DAAM2: variants seen among roughly 807,000 people sequenced by gnomAD.
DAAM2 encodes the protein disheveled-associated activator of morphogenesis 2.
Under a neutral mutation model 120.7 loss-of-function variants are expected in DAAM2, and 39 were observed. The observed-to-expected ratio is 0.32, with a 90% CI of 0.25 to 0.42. DAAM2 has a LOEUF of 0.42. DAAM2 is among the 10% of genes least tolerant of loss of function. The probability of loss-of-function intolerance (pLI) is 1.00; values close to 1 mark genes in which losing one functional copy is unlikely to be tolerated. For synonymous variants in DAAM2, 488 were observed against 524.9 expected (o/e 0.93, Z 0.96); for missense variants, 1,283 against 1,401.7 (o/e 0.92, Z 1.35).
intron 1 of DAAM2, among the ~76,000 whole-genome samples, chr6:39,849,515 T>A (rs1466090112): frequency 6.6e-6 from 1 of 152,204 alleles, no homozygotes; most frequent in Non-Finnish European, 1.5e-5. Context: ...ATGAATTATG[T>A]ACTATTATAT....
At chr6:39,810,385 A>G (rs1762126970) in intron 1 of DAAM2, among the ~76,000 whole-genome samples, 1 of 152,244 alleles carries the variant, frequency 6.6e-6, no homozygotes, top group Admixed American at 6.5e-5. Context: ...AACCTATGTA[A>G]TCAATAGAAA....
rs1766529427 is a variant in DAAM2 at position 39,902,097 on chromosome 6, TGGA to T, written c.*66_*68del. 1 of 1,405,716 alleles carries T rather than the reference TGGA, an allele frequency of 7.1e-7. No individual in the cohort carries two copies. The highest frequency in any genetic ancestry group is 2.3e-5 in the East Asian group (1 of 42,580). The allele number at this position is 1,405,716 out of a possible 1,614,324, so 87.1% of individuals were successfully genotyped here. On this transcript the variant is annotated 3_prime_UTR_variant, in exon 25 of 25. Transcript: ENST00000274867. ...AGGGACTGGTGAGAATGGGGCTGAG[TGGA>T]GGAGGTGGTGATATTTAAACCATTT...
rs188785069 is a variant in DAAM2, at chr6:39,802,166, G to A, written c.-57+9701G>A. On this transcript the variant is annotated intron_variant, in intron 1 of 24. Coordinates refer to ENST00000274867, the MANE Select transcript of DAAM2 (RefSeq NM_001201427.2). ...ACAAAGTCAATAAGTTACCATCCTCGCTGCCCTGAACAGAGGTAATGTTAT... is the reference window on the plus strand; with the variant it reads ...ACAAAGTCAATAAGTTACCATCCTCACTGCCCTGAACAGAGGTAATGTTAT... Among the ~76,000 whole-genome samples the A allele has an allele frequency of 2.2e-3, 341 of 152,266 alleles. 3 individuals are homozygous for A. Among genetic ancestry groups the A allele is most frequent in the African/African-American group, 7.6e-3 (316 of 41,546 alleles).
rs756636429 is a variant in DAAM2, at chr6:39,884,022, G to T, written c.1906G>T (p.Asp636Tyr). ...IDDMQVFRIL[D>Y]LEDFEKMFSA... Reference sequence around the variant, plus strand: ...TGACATGCAGGTATTTCGGATCCTGGACCTAGAGGATTTTGAAAAGATGTT... The same window carrying T: ...TGACATGCAGGTATTTCGGATCCTGTACCTAGAGGATTTTGAAAAGATGTT... Residue 636 changes from aspartate (D) to tyrosine (Y), a missense_variant, in exon 15 of 25, where the codon GAC becomes TAC. Coordinates refer to ENST00000274867, the MANE Select transcript of DAAM2 (RefSeq NM_001201427.2). 2.1e-5 allele frequency: 34 copies of T among 1,613,238 alleles called. No homozygotes were observed. Among genetic ancestry groups the T allele is most frequent in the Non-Finnish European group, 2.8e-5 (33 of 1,179,516 alleles).
chr6:39,810,708 A>C (rs551722684), intron 1 of DAAM2, among the ~76,000 whole-genome samples: 28 of 152,266 alleles, frequency 1.8e-4, no homozygotes, highest in Admixed American at 1.6e-3. Context: ...TCCTCACAGC[A>C]TGAGGCTGAA....
At chr6:39,818,086 G>A (rs1762360800) in intron 1 of DAAM2, among the ~76,000 whole-genome samples, 1 of 151,316 alleles carries the variant, frequency 6.6e-6, no homozygotes, top group South Asian at 2.1e-4. Flanking sequence ...GGCTGAGGCA[G>A]GAGAATCGCT....
At chr6:39,803,380 C>T (rs1761923519) in intron 1 of DAAM2, among the ~76,000 whole-genome samples, 2 of 152,220 alleles carry the variant, frequency 1.3e-5, no homozygotes, top group East Asian at 3.8e-4. Context: ...TTCACAGCTC[C>T]CAGGCTCTTT....
At chr6:39,817,171 A>G (rs1481556996) in intron 1 of DAAM2, among the ~76,000 whole-genome samples, 1 of 152,174 alleles carries the variant, frequency 6.6e-6, no homozygotes, top group African/African-American at 2.4e-5. Context: ...CAGGGAAACT[A>G]TGCAGCTGGA....
chr6:39,868,602 A>T, intron 6 of DAAM2: 1 of 555,446 alleles, frequency 1.8e-6, no homozygotes. Context: ...GGCTGAGTGG[A>T]GAGGAAGTGA....
chr6:39,902,007 G>A lies in DAAM2; in HGVS notation c.3177G>A (p.Arg1059=). The A allele has an allele frequency of 3.1e-6, 5 of 1,610,626 alleles. No individual in the cohort carries two copies. Among genetic ancestry groups the A allele is most frequent in the African/African-American group, 2.7e-5 (2 of 74,972 alleles). Residue 1059 remains arginine, a synonymous_variant, in exon 25 of 25, where the codon CGG becomes CGA. Transcript: ENST00000274867. ...GGAGCCAGGCCCTGGAAGTTACCCG[G>A]GAGCGGGCAATAAACCGGCTAAATT... ...RSGSQALEVT[R]ERAINRLNY
intron 1 of DAAM2, among the ~76,000 whole-genome samples, chr6:39,839,288 G>C (rs1763232451): frequency 6.6e-6 from 1 of 152,098 alleles, no homozygotes; most frequent in Non-Finnish European, 1.5e-5. Context: ...AAATCTCCTG[G>C]GGAACTTGTT....
chr6:39,878,663 T>TC lies in DAAM2; in HGVS notation c.1545+76dup. The stretch of plus-strand genomic sequence containing the variant: ...CAGGACTGGGTGGGCAGAGCAGGTG[T>TC]CGGAGAGGCCAAGGACCCCAGCATG... On this transcript the variant is annotated intron_variant, in intron 13 of 24. Coordinates refer to ENST00000274867, the MANE Select transcript of DAAM2 (RefSeq NM_001201427.2). This position sits in a 1 kb window ranked among gnomAD's most constrained non-coding sequence, Gnocchi z 5.0. 6.8e-7 allele frequency: 1 copy of TC among 1,461,040 alleles called. No homozygotes were observed. The highest frequency in any genetic ancestry group is 1.3e-5 in the South Asian group (1 of 74,302). The allele number at this position is 1,461,040 out of a possible 1,614,324, so 90.5% of individuals were successfully genotyped here.
At chr6:39,794,706 A>G (rs1452312372) in intron 1 of DAAM2, among the ~76,000 whole-genome samples, 2 of 152,172 alleles carry the variant, frequency 1.3e-5, no homozygotes, top group East Asian at 1.9e-4. Flanking sequence ...TAAACTCCCC[A>G]TTACTAAAGA....
At chr6:39,793,469 A>G (rs773521426) in intron 1 of DAAM2, among the ~76,000 whole-genome samples, 1 of 151,612 alleles carries the variant, frequency 6.6e-6, no homozygotes, top group African/African-American at 2.4e-5. Context: ...CCACTTCTCC[A>G]CAGTTTTGGA....
chr6:39,821,866 T>G (rs1480082625), intron 1 of DAAM2: 3 of 152,308 alleles, frequency 2.0e-5, no homozygotes, highest in Non-Finnish European at 4.4e-5. Context: ...AGTGACCCTG[T>G]GAGTGTATCT....
chr6:39,851,452 A>AT (rs1763804201), intron 1 of DAAM2, among the ~76,000 whole-genome samples: 1 of 152,210 alleles, frequency 6.6e-6, no homozygotes, highest in African/African-American at 2.4e-5. Flanking sequence ...AGGGAATAAA[A>AT]TGTCGACATA....
intron 1 of DAAM2, among the ~76,000 whole-genome samples, chr6:39,833,231 G>T (rs934164543): frequency 6.6e-6 from 1 of 152,072 alleles, no homozygotes; most frequent in East Asian, 1.9e-4. Context: ...GTACTAGAAA[G>T]ATTTTCTTTT....
At chr6:39,852,906 T>C (rs957488455) in intron 1 of DAAM2, among the ~76,000 whole-genome samples, 1 of 152,174 alleles carries the variant, frequency 6.6e-6, no homozygotes, top group African/African-American at 2.4e-5. Context: ...CTCCTACTGA[T>C]GAGGAGAAGG....
intron 1 of DAAM2, among the ~76,000 whole-genome samples, chr6:39,830,029 T>C (rs1762818101): frequency 6.6e-6 from 1 of 152,164 alleles, no homozygotes; most frequent in South Asian, 2.1e-4. Flanking sequence ...CCAAGATACT[T>C]CTGCCCACTA....
Sources: gnomAD v4.1 joint callset for allele counts (sites outside exome capture counted in the v4.1 genomes callset) on GRCh38, gnomAD v4.1.1 for gene constraint, Gnocchi (gnomAD v3.1) non-coding constraint, MANE v1.5 for transcripts, NCBI Gene and HGNC (gene_info 2026-07-23, HGNC 2026-07-21) for gene names.